The following PEAK1 variants were observed in gnomAD, a reference collection of about 807,000 sequenced individuals.
PEAK1 encodes the protein inactive tyrosine-protein kinase PEAK1.
A neutral mutation model predicts 124.7 loss-of-function variants in PEAK1; 54 were observed. That is an observed-to-expected ratio of 0.43 (90% confidence interval 0.35 to 0.54). The LOEUF (loss-of-function observed/expected upper bound fraction) is 0.54. Among genes scored for constraint, PEAK1 ranks in the 20% least tolerant of loss-of-function variants. The pLI is 0.01. For synonymous variants in PEAK1, 719 were observed against 760.0 expected, an observed-to-expected ratio of 0.95 and a Z score of 0.89; for missense variants, 2,046 against 2,134.5, an observed-to-expected ratio of 0.96 and a Z score of 0.82.
At chr15:77,378,102 T>A (rs2069174858) in intron 1 of PEAK1, among the ~76,000 whole-genome samples, 1 of 150,826 alleles carries the variant, frequency 6.6e-6, no homozygotes, top group South Asian at 2.1e-4. Flanking sequence ...ATTTTACACA[T>A]GAGTTTAAAA....
At chr15:77,277,933 G>A (rs531340463) in intron 5 of PEAK1, among the ~76,000 whole-genome samples, 2 of 152,276 alleles carry the variant, frequency 1.3e-5, no homozygotes, top group South Asian at 4.1e-4. Flanking sequence ...ATGGTGGACA[G>A]CTGTCATTAT....
rs1211938493 is a variant in PEAK1 at position 77,179,731 on chromosome 15, T to C, written c.2196A>G (p.Ala732=). The change falls in exon 7 of 10, where the codon GCA becomes GCG. Residue 732 remains alanine, a synonymous_variant. Transcript: ENST00000682557. The part of the protein sequence containing the change: ...RSYSSSHSSP[A]KIQRATQEPV... Reference sequence around the variant, plus strand: ...GCTCTTGAGTGGCTCTCTGGATCTTTGCTGGGGAGCTGTGGCTGGAACTAT... The same window carrying C: ...GCTCTTGAGTGGCTCTCTGGATCTTCGCTGGGGAGCTGTGGCTGGAACTAT... 2 of 1,614,140 alleles carry C rather than the reference T, an allele frequency of 1.2e-6. No homozygotes were observed. The highest frequency in any genetic ancestry group is 1.7e-6 in the Non-Finnish European group (2 of 1,180,016).
At chr15:77,309,937 T>C (rs1349549327) in intron 2 of PEAK1, among the ~76,000 whole-genome samples, 1 of 152,202 alleles carries the variant, frequency 6.6e-6, no homozygotes, top group Non-Finnish European at 1.5e-5. Context: ...CTATTCTTCC[T>C]GGAGAAAAAC....
chr15:77,237,262 A>C lies in PEAK1; in HGVS notation c.-115+15105T>G, dbSNP rs1006205451. On this transcript the variant is annotated intron_variant, in intron 6 of 9. Transcript: ENST00000682557. ...CAAAAAGTTATAAAAATGATTAAAA[A>C]TTTAAATTTCTCTAATATTCTAAGA... Among the ~76,000 whole-genome samples, 9 of 152,288 alleles carry C rather than the reference A, an allele frequency of 5.9e-5. No individual in the cohort carries two copies. In the East Asian group the frequency reaches 1.7e-3, roughly 29 times the overall value.
intron 6 of PEAK1, among the ~76,000 whole-genome samples, chr15:77,200,929 A>G (rs1021430147): frequency 3.3e-5 from 5 of 152,004 alleles, no homozygotes; most frequent in African/African-American, 1.2e-4. Context: ...ACATATACAT[A>G]TAGACTCATA....
intron 2 of PEAK1, among the ~76,000 whole-genome samples, chr15:77,306,921 C>CA (rs2064139227): frequency 6.6e-6 from 1 of 152,064 alleles, no homozygotes; most frequent in Non-Finnish European, 1.5e-5. Context: ...TGTACATAAA[C>CA]ATCTTTTGAA....
chr15:77,175,996 C>T (rs4638539), intron 7 of PEAK1, among the ~76,000 whole-genome samples: 33,713 of 151,634 alleles, frequency 0.22, 4,201 homozygotes, highest in Middle Eastern at 0.29. Context: ...AGTAAACTAT[C>T]GCAAGGACAA....
chr15:77,170,893 A>T (rs1400496257), intron 7 of PEAK1, among the ~76,000 whole-genome samples: 1 of 152,130 alleles, frequency 6.6e-6, no homozygotes, highest in Non-Finnish European at 1.5e-5. Flanking sequence ...GAGTTGCAGA[A>T]ATGGTAGGTA....
In PEAK1 at chr15:77,403,258, A is replaced by C. The variant is rs1018436300; in HGVS notation, c.-666+16748T>G. The stretch of plus-strand genomic sequence containing the variant: ...CAGTCAAGTCTATCTCCCAATACCA[A>C]CAACAAGATTTCAAATTGTTTACTC... On this transcript the variant is annotated intron_variant, in intron 1 of 9. Coordinates refer to ENST00000682557, the MANE Select transcript of PEAK1 (RefSeq NM_001385026.1). 4.1e-6 allele frequency: 4 copies of C among 985,228 alleles called. No homozygotes were observed. In the African/African-American group the frequency reaches 7.0e-5, roughly 17 times the overall value. 61.0% of individuals were successfully genotyped at this position (985,228 alleles called of 1,614,324 possible).
chr15:77,356,487 T>C (rs2067524303), intron 2 of PEAK1, among the ~76,000 whole-genome samples: 1 of 152,190 alleles, frequency 6.6e-6, no homozygotes, highest in South Asian at 2.1e-4. Flanking sequence ...CATTACCCTA[T>C]GACCCAGCAA....
rs527780629 is a variant in PEAK1 at position 77,345,841 on chromosome 15, T to C, written c.-603+19322A>G. ...CACATTGTATACAGGTATTAAAGTA[T>C]TACATGTATCCCCAAAATATGTACA... On this transcript the variant is annotated intron_variant, in intron 2 of 9. Transcript: ENST00000682557. 1,571 of 852,262 alleles carry C rather than the reference T, an allele frequency of 1.8e-3. 3 individuals are homozygous for C. Among genetic ancestry groups the C allele is most frequent in the Non-Finnish European group, 2.2e-3 (1,528 of 708,928 alleles). 52.8% of individuals were successfully genotyped at this position (852,262 alleles called of 1,614,324 possible).
intron 2 of PEAK1, among the ~76,000 whole-genome samples, chr15:77,314,026 T>C (rs1463199362): frequency 7.2e-5 from 11 of 152,126 alleles, no homozygotes; most frequent in Admixed American, 5.2e-4. Context: ...ACCCTTGATA[T>C]GATGTGATGA....
intron 2 of PEAK1, among the ~76,000 whole-genome samples, chr15:77,323,217 T>G (rs2065346985): frequency 6.6e-6 from 1 of 152,166 alleles, no homozygotes; most frequent in African/African-American, 2.4e-5. Flanking sequence ...CTTTGAAAAC[T>G]GGCACAAGAC....
intron 6 of PEAK1, among the ~76,000 whole-genome samples, chr15:77,227,962 C>T (rs1247071028): frequency 6.6e-6 from 1 of 151,748 alleles, no homozygotes. Context: ...CATCACTGCG[C>T]TCCAGCCTGG....
At chr15:77,382,546 C>T (rs550979426) in intron 1 of PEAK1, among the ~76,000 whole-genome samples, 1 of 152,308 alleles carries the variant, frequency 6.6e-6, no homozygotes, top group South Asian at 2.1e-4. Context: ...ACCAAATCTG[C>T]ATTAGGCTCC....
At chr15:77,313,604 T>A (rs2064617826) in intron 2 of PEAK1, among the ~76,000 whole-genome samples, 1 of 148,558 alleles carries the variant, frequency 6.7e-6, no homozygotes, top group Non-Finnish European at 1.5e-5. Flanking sequence ...GTAGCTGGGA[T>A]TACAGGCATG....
chr15:77,162,178 T>A (rs943205856), intron 7 of PEAK1, among the ~76,000 whole-genome samples: 6 of 151,872 alleles, frequency 4.0e-5, no homozygotes, highest in Non-Finnish European at 8.8e-5. Flanking sequence ...GATTAATTTA[T>A]CATTAGGCAC....
intron 8 of PEAK1, among the ~76,000 whole-genome samples, chr15:77,135,137 A>G (rs1366679302): frequency 6.6e-6 from 1 of 152,178 alleles, no homozygotes; most frequent in East Asian, 1.9e-4. Flanking sequence ...CATAACTGTG[A>G]GAGAATATAT....
chr15:77,384,889 G>C (rs2069793931), intron 1 of PEAK1, among the ~76,000 whole-genome samples: 1 of 152,080 alleles, frequency 6.6e-6, no homozygotes. Context: ...AGATCATCTG[G>C]CTCTAAGGAA....
Sources: gnomAD v4.1 joint callset for allele counts (sites outside exome capture counted in the v4.1 genomes callset) on GRCh38, gnomAD v4.1.1 for gene constraint, MANE v1.5 for transcripts, NCBI Gene and HGNC (gene_info 2026-07-23, HGNC 2026-07-21) for gene names.